Variants in LYRM7 observed in about 807,000 individuals in gnomAD.
LYRM7 encodes complex III assembly factor LYRM7.
Under a neutral mutation model 15.8 loss-of-function variants are expected in LYRM7, and 9 were observed. The ratio of observed to expected loss-of-function variants is 0.57; its 90% CI spans 0.34 to 0.99. The LOEUF is 0.99. Among genes scored for constraint, LYRM7 ranks in the 50% least tolerant of loss-of-function variants. The pLI, the probability that LYRM7 is intolerant of heterozygous loss-of-function variation, is 0.02. For missense variants in LYRM7, 115 were observed against 119.1 expected (o/e 0.97, Z 0.16); for synonymous variants, 39 against 39.4 (o/e 0.99, Z 0.04).
chr5:131,182,438 T>G, intron 3 of LYRM7, 139 bp downstream of exon 3: 2 of 820,128 alleles, frequency 2.4e-6, no homozygotes, highest in Non-Finnish European at 3.4e-6. Flanking sequence ...AACCTTCACT[T>G]ATTTGGTATG....
intron 4 of LYRM7, among the ~76,000 whole-genome samples, chr5:131,190,988 A>G (rs1006575935): frequency 2.0e-5 from 3 of 152,104 alleles, no homozygotes; most frequent in African/African-American, 7.2e-5. Context: ...TAAATTTAGT[A>G]TCTATTTCAA....
intron 4 of LYRM7, among the ~76,000 whole-genome samples, chr5:131,197,904 A>G (rs1018390569): frequency 1.1e-4 from 16 of 151,186 alleles, no homozygotes; most frequent in African/African-American, 3.9e-4. Context: ...ATATTTTTAA[A>G]ACCTTTTTAT....
In LYRM7 at chr5:131,205,005, A is replaced by G. The variant is rs1471711862; in HGVS notation, c.*5404A>G. The G allele has an allele frequency of 6.6e-6, 1 of 152,178 alleles. No homozygotes were observed. Among genetic ancestry groups the G allele is most frequent in the Non-Finnish European group, 1.5e-5 (1 of 68,020 alleles). 9.4% of individuals were successfully genotyped at this position (152,178 alleles called of 1,614,324 possible). A position where few individuals can be genotyped will look rare whatever the true frequency, so the allele number is the denominator to read the frequency against. On this transcript the variant is annotated 3_prime_UTR_variant, in exon 5 of 5. Transcript: ENST00000379380. Reference sequence around the variant, plus strand: ...AGACAATAAGCTACTAGTGATTTTTAATATAAAATTAACTATAAAATATTT... The same window carrying G: ...AGACAATAAGCTACTAGTGATTTTTGATATAAAATTAACTATAAAATATTT...
At chr5:131,196,730 C>T (rs746747003) in intron 4 of LYRM7, among the ~76,000 whole-genome samples, 8 of 151,690 alleles carry the variant, frequency 5.3e-5, no homozygotes, top group African/African-American at 9.7e-5. Flanking sequence ...TACAGTGGCA[C>T]GATCTCGGCT....
In LYRM7 at chr5:131,198,851, G is replaced by A. The variant is rs116379699; in HGVS notation, c.245-680G>A. Among the ~76,000 whole-genome samples the A allele has an allele frequency of 6.7e-3, 1,015 of 151,714 alleles. 17 individuals are homozygous for A. The highest frequency in any genetic ancestry group is 0.023 in the African/African-American group (956 of 41,352). On this transcript the variant is annotated intron_variant, in intron 4 of 4. Transcript: ENST00000379380. ...CTCCCAAAGTTCTAGGATTACAGCC[G>A]TGAGTCACCACACCCGGCCAAAAAT...
chr5:131,182,100 G>T, intron 2 of LYRM7, 129 bp from the exon 3 acceptor site: 2 of 810,172 alleles, frequency 2.5e-6, no homozygotes, highest in Non-Finnish European at 3.5e-6. Flanking sequence ...TTATTCTTAT[G>T]CTTTGTTTTT....
At chr5:131,185,779 C>CA (rs1284659957) in intron 3 of LYRM7, among the ~76,000 whole-genome samples, 1 of 152,046 alleles carries the variant, frequency 6.6e-6, no homozygotes, top group Non-Finnish European at 1.5e-5. Context: ...GGTGACAAAG[C>CA]AAGACCTTGT....
intron 2 of LYRM7, among the ~76,000 whole-genome samples, 187 bp downstream of exon 2, chr5:131,180,354 A>G (rs927703862): frequency 2.6e-5 from 4 of 152,108 alleles, no homozygotes; most frequent in African/African-American, 9.7e-5. Context: ...AAAAATTTTT[A>G]AAGATCAAGT....
At chr5:131,183,438 T>A (rs1459849969) in intron 3 of LYRM7, among the ~76,000 whole-genome samples, 1 of 152,212 alleles carries the variant, frequency 6.6e-6, no homozygotes, top group African/African-American at 2.4e-5. Context: ...GATAATTTTT[T>A]AATTTTGAAA....
chr5:131,186,983 G>A (rs1348117717), intron 3 of LYRM7, 45 bp from the exon 4 acceptor site: 1 of 1,096,780 alleles, frequency 9.1e-7, no homozygotes, highest in African/African-American at 1.6e-5. Flanking sequence ...ACATTCATAT[G>A]AAACACCTAA....
chr5:131,171,339 G>A (rs183701567), intron 1 of LYRM7, among the ~76,000 whole-genome samples: 1 of 152,158 alleles, frequency 6.6e-6, no homozygotes. Flanking sequence ...TTCAGACCGA[G>A]TATTTGTCTG....
chr5:131,179,254 T>G (rs72803762), intron 1 of LYRM7, among the ~76,000 whole-genome samples: 13,880 of 152,102 alleles, frequency 0.091, 803 homozygotes, highest in South Asian at 0.13. Flanking sequence ...TAAATAAGGC[T>G]AAAAATGTTT....
At chr5:131,180,235 C>T in intron 2 of LYRM7, 68 bp downstream of exon 2, 2 of 1,129,164 alleles carry the variant, frequency 1.8e-6, no homozygotes, top group South Asian at 2.6e-5. Context: ...CTCTGAGAAA[C>T]CCTGTGTGGT....
At chr5:131,178,539 G>A (rs1221912672) in intron 1 of LYRM7, among the ~76,000 whole-genome samples, 1 of 152,130 alleles carries the variant, frequency 6.6e-6, no homozygotes, top group Non-Finnish European at 1.5e-5. Flanking sequence ...AGTGACCTCA[G>A]CATATCACTA....
intron 2 of LYRM7, 109 bp from the exon 3 acceptor site, chr5:131,182,120 A>G: frequency 1.0e-6 from 1 of 983,412 alleles, no homozygotes; most frequent in Non-Finnish European, 1.4e-6. Context: ...TCATGAGGGC[A>G]ATTTCTATAG....
Position 131,170,995 on chromosome 5 carries a change from A to G in LYRM7, c.-26A>G. The G allele has an allele frequency of 1.3e-6, 2 of 1,540,882 alleles. No individual in the cohort carries two copies. Among genetic ancestry groups the G allele is most frequent in the Non-Finnish European group, 1.7e-6 (2 of 1,149,128 alleles). On this transcript the variant is annotated 5_prime_UTR_variant, in exon 1 of 5. Coordinates refer to ENST00000379380, the MANE Select transcript of LYRM7 (RefSeq NM_181705.4). ...AGGCGGGGCTACTCGACTGCTCTGGAGGTAGCGGCCGCGGTGAGGAGAGCC... is the reference window on the plus strand; with the variant it reads ...AGGCGGGGCTACTCGACTGCTCTGGGGGTAGCGGCCGCGGTGAGGAGAGCC...
At chr5:131,189,372 G>A (rs1332118879) in intron 4 of LYRM7, among the ~76,000 whole-genome samples, 1 of 148,790 alleles carries the variant, frequency 6.7e-6, no homozygotes, top group Non-Finnish European at 1.5e-5. Flanking sequence ...GAACCCGGGA[G>A]GCGGAGCTTG....
In LYRM7 at chr5:131,198,568, A is replaced by AT. The variant is rs111644184; in HGVS notation, c.245-951dup. Among the ~76,000 whole-genome samples the AT allele has an allele frequency of 9.1e-3, 1,341 of 147,640 alleles. 22 individuals are homozygous for AT. Among genetic ancestry groups the AT allele is most frequent in the Admixed American group, 0.049 (729 of 14,776 alleles). On this transcript the variant is annotated intron_variant, in intron 4 of 4. Coordinates refer to ENST00000379380, the MANE Select transcript of LYRM7 (RefSeq NM_181705.4). Reference sequence around the variant, plus strand: ...CAATGTATCTCCTCAAAAATTTGGAATTTTTTTTTTTTGAGGTGGACTGCC... The same window carrying AT: ...CAATGTATCTCCTCAAAAATTTGGAATTTTTTTTTTTTTGAGGTGGACTGCC...
rs1756115057 is a variant in LYRM7, at chr5:131,203,619, G to C, written c.*4018G>C. 6.6e-6 allele frequency: 1 copy of C among 152,314 alleles called. No individual in the cohort carries two copies. Among genetic ancestry groups the C allele is most frequent in the African/African-American group, 2.4e-5 (1 of 41,452 alleles). 9.4% of individuals were successfully genotyped at this position (152,314 alleles called of 1,614,324 possible). A position where few individuals can be genotyped will look rare whatever the true frequency, so the allele number is the denominator to read the frequency against. On this transcript the variant is annotated 3_prime_UTR_variant, in exon 5 of 5. Coordinates refer to ENST00000379380, the MANE Select transcript of LYRM7 (RefSeq NM_181705.4). ...GAGGCGTGAGAATCGCTTGAACCCG[G>C]TAGGCAGATGTTGCAGTGAGCCGAG... is the stretch of plus-strand genomic sequence containing the variant.
Sources: allele counts gnomAD v4.1 joint callset (sites outside exome capture counted in the v4.1 genomes callset), GRCh38; gene constraint gnomAD v4.1.1; transcripts MANE v1.5; gene names NCBI Gene and HGNC (gene_info 2026-07-23, HGNC 2026-07-21).